VWA8: variants seen among roughly 807,000 people sequenced by gnomAD.
VWA8 encodes von Willebrand factor A domain containing 8.
Under a neutral mutation model 241.5 loss-of-function variants are expected in VWA8, and 221 were observed. That is an observed-to-expected ratio of 0.91 (90% CI 0.82 to 1.02). VWA8 has a LOEUF of 1.02. Ranked by LOEUF, VWA8 falls within the 50% of genes least tolerant of loss-of-function variation. The pLI is 0.00. For synonymous variants in VWA8, 852 were observed against 827.1 expected (o/e 1.03, Z -0.52); for missense variants, 2,322 against 2,328.7 (o/e 1.00, Z 0.06).
At chr13:41,768,006 A>G (rs1462473031) in intron 20 of VWA8, among the ~76,000 whole-genome samples, 2 of 152,292 alleles carry the variant, frequency 1.3e-5, no homozygotes, top group African/African-American at 4.8e-5. Flanking sequence ...GCAGAATGCC[A>G]AAGAATTTCC....
intron 17 of VWA8, among the ~76,000 whole-genome samples, chr13:41,800,454 A>G (rs777014637): frequency 8.5e-5 from 13 of 152,222 alleles, no homozygotes; most frequent in Admixed American, 2.0e-4. Flanking sequence ...TTGTTCATGT[A>G]TATCACTAGC....
chr13:41,948,972 C>G (rs547320417), intron 2 of VWA8, among the ~76,000 whole-genome samples: 1 of 147,282 alleles, frequency 6.8e-6, no homozygotes, highest in East Asian at 2.0e-4. Flanking sequence ...CACATACAAC[C>G]ATACCATGTG....
Position 41,685,087 on chromosome 13 carries a change from T to C in VWA8, c.4287A>G (p.Leu1429=). Reference sequence around the variant, plus strand: ...CTTTTAGAGGGACTTCTCCTGGGGGTAAAATCCTCACTACCTGATTCGTAT... The same window carrying C: ...CTTTTAGAGGGACTTCTCCTGGGGGCAAAATCCTCACTACCTGATTCGTAT... The part of the protein sequence containing the change: ...LLDTNQVVRI[L]PPGEVPLKDI... Residue 1429 remains leucine (L), a synonymous_variant, in exon 35 of 45, where the codon TTA becomes TTG. Coordinates refer to ENST00000379310, the MANE Select transcript of VWA8 (RefSeq NM_015058.2). 1 of 1,613,494 alleles carries C rather than the reference T, an allele frequency of 6.2e-7. No homozygotes were observed. The highest frequency in any genetic ancestry group is 8.5e-7 in the Non-Finnish European group (1 of 1,179,676).
intron 17 of VWA8, among the ~76,000 whole-genome samples, chr13:41,789,403 C>T (rs1869352201): frequency 6.6e-6 from 1 of 152,126 alleles, no homozygotes; most frequent in Admixed American, 6.5e-5. Context: ...GTACTTATAA[C>T]TATTATGAAC....
chr13:41,711,392 T>C (rs1448836615), intron 26 of VWA8, among the ~76,000 whole-genome samples: 1 of 152,216 alleles, frequency 6.6e-6, no homozygotes, highest in Non-Finnish European at 1.5e-5. Flanking sequence ...TCCTCAGTAG[T>C]CTATTCCTTC....
Position 41,827,590 on chromosome 13 carries a change from A to G in VWA8, c.1700+2939T>C, listed in dbSNP as rs1293546493. Among the ~76,000 whole-genome samples, 3 of 152,214 alleles carry G rather than the reference A, an allele frequency of 2.0e-5. No individual in the cohort carries two copies. The East Asian group carries it at 5.8e-4, about 29-fold the overall frequency. ...GGCTCTAGTTTCGTGCATGTTTAAC[A>G]GTGGTAAAATTTCAAATGAAAATTT... On this transcript the variant is annotated intron_variant, in intron 14 of 44. Transcript: ENST00000379310.
At chr13:41,747,992 C>T (rs186134332) in intron 21 of VWA8, among the ~76,000 whole-genome samples, 3,252 of 152,148 alleles carry the variant, frequency 0.021, 108 homozygotes, top group African/African-American at 0.069. Flanking sequence ...CTGCTGGATT[C>T]GGTTTGCCAG....
At chr13:41,878,762 G>A (rs915984225) in intron 9 of VWA8, among the ~76,000 whole-genome samples, 2 of 151,906 alleles carry the variant, frequency 1.3e-5, no homozygotes, top group South Asian at 2.1e-4. Flanking sequence ...TTAAAATAAA[G>A]ACCAAAAAAT....
rs143221443 is a variant in VWA8, at chr13:41,886,267, C to T, written c.867-239G>A. Among the ~76,000 whole-genome samples, 778 of 152,088 alleles carry T rather than the reference C, an allele frequency of 5.1e-3. 4 individuals carry two copies. Among genetic ancestry groups the T allele is most frequent in the Admixed American group, 0.011 (173 of 15,276 alleles). ...TTTTCACCACCTGGTCCAAATCTAC[C>T]CTGCCAGCCTCATCTCTCACATTTC... On this transcript the variant is annotated intron_variant, in intron 7 of 44. Coordinates refer to ENST00000379310, the MANE Select transcript of VWA8 (RefSeq NM_015058.2).
rs1028659862 is a variant in VWA8, at chr13:41,624,272, G to A, written c.4612-9188C>T. Among the ~76,000 whole-genome samples, 5 of 152,280 alleles carry A rather than the reference G, an allele frequency of 3.3e-5. No homozygotes were observed. In the South Asian group the frequency reaches 1.0e-3, roughly 32 times the overall value. On this transcript the variant is annotated intron_variant, in intron 37 of 44. Transcript: ENST00000379310. ...AAGAAGAGCTGGAACTAATCCTACT[G>A]AAATGATTCTCAAAAAATCTAGGAG...
chr13:41,863,367 TA>T, intron 12 of VWA8, among the ~76,000 whole-genome samples: 1 of 145,500 alleles, frequency 6.9e-6, no homozygotes, highest in Non-Finnish European at 1.5e-5. Context: ...TCTTTATATA[TA>T]TATATGTGTG....
chr13:41,751,253 T>A (rs900720571), intron 21 of VWA8, among the ~76,000 whole-genome samples: 2 of 152,182 alleles, frequency 1.3e-5, no homozygotes, highest in South Asian at 2.1e-4. Flanking sequence ...ATTCATTTTT[T>A]AAAAAATTAA....
At chr13:41,776,210 CTG>C (rs1350566840) in intron 20 of VWA8, among the ~76,000 whole-genome samples, 2 of 152,200 alleles carry the variant, frequency 1.3e-5, no homozygotes, top group Non-Finnish European at 2.9e-5. Flanking sequence ...CCAAAAGCCT[CTG>C]TGTCTCTGGC....
chr13:41,754,914 T>C (rs1003242688), intron 21 of VWA8, among the ~76,000 whole-genome samples: 8 of 152,136 alleles, frequency 5.3e-5, no homozygotes, highest in Non-Finnish European at 7.4e-5. Flanking sequence ...GTTGCACCCA[T>C]GTTTTTGCAA....
chr13:41,802,113 C>T (rs541991219), intron 17 of VWA8, among the ~76,000 whole-genome samples: 4 of 152,326 alleles, frequency 2.6e-5, no homozygotes, highest in African/African-American at 9.6e-5. Flanking sequence ...AGGAAGGAGG[C>T]ACTGAAGGGA....
chr13:41,703,259 T>G (rs763255883), intron 27 of VWA8, 44 bp downstream of exon 27: 1 of 1,521,746 alleles, frequency 6.6e-7, no homozygotes, highest in Non-Finnish European at 9.1e-7. Context: ...ACAGCAAAAT[T>G]TATAAGGTTC....
intron 21 of VWA8, among the ~76,000 whole-genome samples, chr13:41,732,559 T>G (rs1359190043): frequency 1.3e-5 from 2 of 151,726 alleles, no homozygotes; most frequent in Non-Finnish European, 2.9e-5. Flanking sequence ...TTGGTAATGA[T>G]TGGCATGCTG....
intron 12 of VWA8, among the ~76,000 whole-genome samples, chr13:41,855,889 G>C (rs1012569218): frequency 6.6e-6 from 1 of 152,190 alleles, no homozygotes; most frequent in African/African-American, 2.4e-5. Context: ...GCCTTTGTCT[G>C]CTTTTCTACT....
rs377425585 is a variant in VWA8, at chr13:41,912,106, A to G, written c.304T>C (p.Leu102=). 331 of 1,610,406 alleles carry G rather than the reference A, an allele frequency of 2.1e-4. 3 individuals are homozygous for G. The South Asian group carries it at 3.3e-3, about 16-fold the overall frequency. The change falls in exon 3 of 45, where the codon TTG becomes CTG. Residue 102 remains leucine, a synonymous_variant. Coordinates refer to ENST00000379310, the MANE Select transcript of VWA8 (RefSeq NM_015058.2). ...HLRWIMQKDL[L]GQDVFLIGPP... ...CCTATTAGAAAAACATCTTGCCCCA[A>G]AAGATCCTTCTGCATTATCCATCTT...
Sources: gnomAD v4.1 joint callset for allele counts (sites outside exome capture counted in the v4.1 genomes callset) on GRCh38, gnomAD v4.1.1 for gene constraint, MANE v1.5 for transcripts, NCBI Gene and HGNC (gene_info 2026-07-23, HGNC 2026-07-21) for gene names.